TENT5D: variants seen among roughly 807,000 people sequenced by gnomAD.
TENT5D encodes the protein terminal nucleotidyltransferase 5D, also known as cancer/testis antigen 112.
For synonymous variants in TENT5D, 103 were observed against 100.6 expected (o/e 1.02, Z -0.15); for missense variants, 191 against 287.0 (o/e 0.67, Z 2.42).
intron 3 of TENT5D, among the ~76,000 whole-genome samples, chrX:80,399,875 A>G (rs942137960): frequency 8.9e-5 from 10 of 112,197 alleles, no homozygotes; most frequent in African/African-American, 3.2e-4. Context: ...GGGATACAGT[A>G]AGAAGAAATG....
At chrX:80,359,334 T>A (rs778638123) in intron 3 of TENT5D, among the ~76,000 whole-genome samples, 78 of 111,717 alleles carry the variant, frequency 7.0e-4, no homozygotes, top group Non-Finnish European at 1.2e-3. Flanking sequence ...CATTCTACTA[T>A]AAAGACACAT....
intron 3 of TENT5D, among the ~76,000 whole-genome samples, chrX:80,357,436 T>A (rs1249376146): frequency 2.7e-5 from 3 of 109,153 alleles, no homozygotes; most frequent in African/African-American, 1.0e-4. Context: ...GTTTCCTGAC[T>A]TTTTAATGAT....
At chrX:80,339,829 T>C (rs1379082786) in intron 2 of TENT5D, among the ~76,000 whole-genome samples, 1 of 108,561 alleles carries the variant, frequency 9.2e-6, no homozygotes, top group Admixed American at 9.9e-5. Flanking sequence ...ATATCACGTT[T>C]GGTGATTATA....
chrX:80,338,309 C>G (rs1371561534), intron 2 of TENT5D, among the ~76,000 whole-genome samples: 1 of 111,601 alleles, frequency 9.0e-6, no homozygotes, highest in African/African-American at 3.3e-5. Flanking sequence ...CTTATGAAAG[C>G]TTAGCTAAAG....
intron 3 of TENT5D, among the ~76,000 whole-genome samples, chrX:80,400,785 G>A (rs1487555807): frequency 8.9e-6 from 1 of 111,751 alleles, no homozygotes; most frequent in Non-Finnish European, 1.9e-5. Context: ...ATGGCATTCG[G>A]AATTGTGTCT....
intron 3 of TENT5D, among the ~76,000 whole-genome samples, chrX:80,355,741 C>T (rs1455720024): frequency 8.9e-6 from 1 of 111,889 alleles, no homozygotes; most frequent in Non-Finnish European, 1.9e-5. Flanking sequence ...CCAGCTTCCT[C>T]CCTTTTCAGC....
At chrX:80,353,843 G>C in intron 3 of TENT5D, among the ~76,000 whole-genome samples, 1 of 112,366 alleles carries the variant, frequency 8.9e-6, no homozygotes, top group South Asian at 3.7e-4. Flanking sequence ...AATTCTTAGA[G>C]ACATTGCCAA....
chrX:80,355,537 T>C (rs1930265682), intron 3 of TENT5D, among the ~76,000 whole-genome samples: 1 of 112,067 alleles, frequency 8.9e-6, no homozygotes, highest in Non-Finnish European at 1.9e-5. Context: ...GCTGGAATTA[T>C]GTCTCTGCCA....
rs1197642169 is a variant in TENT5D at position 80,409,949 on chromosome X, T to C, written c.-141-28661T>C. Among the ~76,000 whole-genome samples the C allele has an allele frequency of 4.0e-4, 44 of 109,370 alleles. 2 individuals are homozygous for C. The South Asian group carries it at 0.018, about 45-fold the overall frequency. 95.0% of individuals were successfully genotyped at this position (109,370 alleles called of 115,157 possible). On this transcript the variant is annotated intron_variant, in intron 3 of 4. Transcript: ENST00000538312. ...GCCCTCAGAAATAACACCGCATATCTACAACTATCTGATCTTTGACAAACC... is the reference window on the plus strand; with the variant it reads ...GCCCTCAGAAATAACACCGCATATCCACAACTATCTGATCTTTGACAAACC...
chrX:80,402,333 G>A (rs1931403490), intron 3 of TENT5D, among the ~76,000 whole-genome samples: 1 of 110,965 alleles, frequency 9.0e-6, no homozygotes, highest in African/African-American at 3.3e-5. Context: ...AATTTTGTTT[G>A]TCTTTTCAAT....
intron 3 of TENT5D, among the ~76,000 whole-genome samples, chrX:80,398,595 G>A (rs1931333206): frequency 9.1e-6 from 1 of 110,437 alleles, no homozygotes; most frequent in Non-Finnish European, 1.9e-5. Context: ...GTAGGGTAAG[G>A]AGCAGTAGCC....
At chrX:80,380,136 C>G (rs1246516350) in intron 3 of TENT5D, among the ~76,000 whole-genome samples, 1 of 108,961 alleles carries the variant, frequency 9.2e-6, no homozygotes, top group Non-Finnish European at 1.9e-5. Context: ...TTAAATGTGT[C>G]CCAGAGATTC....
intron 3 of TENT5D, among the ~76,000 whole-genome samples, chrX:80,379,935 G>A (rs1930821887): frequency 9.3e-6 from 1 of 107,319 alleles, no homozygotes; most frequent in South Asian, 4.1e-4. Flanking sequence ...TTTTTTTGAA[G>A]GGTTTTTTGT....
At chrX:80,381,431 T>G (rs1267179207) in intron 3 of TENT5D, among the ~76,000 whole-genome samples, 1 of 111,068 alleles carries the variant, frequency 9.0e-6, no homozygotes, top group Non-Finnish European at 1.9e-5. Flanking sequence ...CTGACAATTG[T>G]GTCTTGGGGT....
At position 80,344,090 on chromosome X, in the gene TENT5D, G is replaced by A. The variant is rs781763636; in HGVS notation, c.-142+1526G>A. On this transcript the variant is annotated intron_variant, in intron 3 of 4. Transcript: ENST00000538312. ...CTGAATTAATTCCCTTAGGATAATG[G>A]CCTCAAGATGCATCTATGTTGCTGC... Among the ~76,000 whole-genome samples, 4 of 110,218 alleles carry A rather than the reference G, an allele frequency of 3.6e-5. No individual in the cohort carries two copies. The South Asian group carries it at 1.6e-3, about 44-fold the overall frequency.
At chrX:80,341,958 G>T (rs887216798) in intron 2 of TENT5D, among the ~76,000 whole-genome samples, 4 of 109,179 alleles carry the variant, frequency 3.7e-5, no homozygotes, top group African/African-American at 1.3e-4. Context: ...TGATCCGCCC[G>T]CCTCGGCCTC....
intron 3 of TENT5D, among the ~76,000 whole-genome samples, chrX:80,359,360 T>C (rs771972316): frequency 1.8e-5 from 2 of 112,106 alleles, no homozygotes; most frequent in Admixed American, 1.9e-4. Flanking sequence ...CATATGTTTA[T>C]TGCAGCACTG....
chrX:80,337,591 T>G (rs1169570726), intron 2 of TENT5D, among the ~76,000 whole-genome samples: 2 of 111,559 alleles, frequency 1.8e-5, no homozygotes, highest in Non-Finnish European at 3.8e-5. Context: ...GCTTATTCAT[T>G]TTCACTGTTC....
chrX:80,418,289 A>C (rs755999477), upstream of TENT5D, among the ~76,000 whole-genome samples: 19 of 110,636 alleles, frequency 1.7e-4, no homozygotes, highest in Non-Finnish European at 3.4e-4. Flanking sequence ...TGGTAGGATT[A>C]CCAGTTCATG....
Sources: allele counts gnomAD v4.1 joint callset (sites outside exome capture counted in the v4.1 genomes callset), GRCh38; gene constraint gnomAD v4.1.1; transcripts MANE v1.5; gene names NCBI Gene and HGNC (gene_info 2026-07-23, HGNC 2026-07-21).